Variants in ROBO1 observed in about 807,000 individuals in gnomAD.
The protein encoded by ROBO1 is roundabout guidance receptor 1.
A neutral mutation model predicts 195.9 loss-of-function variants in ROBO1; 149 were observed. The ratio of observed to expected loss-of-function variants is 0.76; its 90% CI spans 0.67 to 0.87. ROBO1 has a LOEUF of 0.87. Among genes scored for constraint, ROBO1 ranks in the 40% least tolerant of loss-of-function variants. ROBO1 has a pLI of 0.00. For missense variants in ROBO1, 1,933 were observed against 2,068.3 expected, an observed-to-expected ratio of 0.93 and a Z score of 1.27; for synonymous variants, 816 against 733.2, an observed-to-expected ratio of 1.11 and a Z score of -1.82.
chr3:79,415,115 A>G (rs1016567444), intron 2 of ROBO1, among the ~76,000 whole-genome samples: 4 of 152,140 alleles, frequency 2.6e-5, no homozygotes, highest in African/African-American at 9.6e-5. Context: ...GACTCACGGA[A>G]GTTAATGTGA....
chr3:79,238,480 C>T (rs184126036), intron 2 of ROBO1, among the ~76,000 whole-genome samples: 1 of 152,304 alleles, frequency 6.6e-6, no homozygotes, highest in Non-Finnish European at 1.5e-5. Context: ...AAGGTGGATA[C>T]AACTTTGGGT....
chr3:79,517,787 T>C (rs1941015711), intron 2 of ROBO1, among the ~76,000 whole-genome samples: 2 of 152,226 alleles, frequency 1.3e-5, no homozygotes, highest in South Asian at 2.1e-4. Flanking sequence ...GTAATAGTTG[T>C]AGACATTTTA....
rs35329629 is a variant in ROBO1 at position 78,659,674 on chromosome 3, T to TATA, written c.2442+11_2442+12insTAT. ...ATCAGGACATTAATATATATATATA[T>TATA]TATACTCATACCTTATACTCTTGGA... On this transcript the variant is annotated intron_variant, in intron 17 of 30. Transcript: ENST00000464233. 13 of 1,520,900 alleles carry TATA rather than the reference T, an allele frequency of 8.5e-6. No homozygotes were observed. Among genetic ancestry groups the TATA allele is most frequent in the Non-Finnish European group, 1.2e-5 (13 of 1,128,480 alleles). The allele number at this position is 1,520,900 out of a possible 1,614,324, so 94.2% of individuals were successfully genotyped here.
chr3:79,108,986 G>C (rs536060527), intron 3 of ROBO1, among the ~76,000 whole-genome samples: 1 of 151,924 alleles, frequency 6.6e-6, no homozygotes, highest in South Asian at 2.1e-4. Context: ...ATAGCTTAAG[G>C]TTAAGGTATA....
At chr3:79,109,403 T>C (rs2079843777) in intron 3 of ROBO1, among the ~76,000 whole-genome samples, 1 of 151,990 alleles carries the variant, frequency 6.6e-6, no homozygotes, top group African/African-American at 2.4e-5. Flanking sequence ...ACAAATGTAA[T>C]AGACACTCAT....
chr3:79,532,545 C>T (rs1457829321), intron 2 of ROBO1, among the ~76,000 whole-genome samples: 24 of 152,012 alleles, frequency 1.6e-4, no homozygotes, highest in Non-Finnish European at 1.5e-5. Context: ...CAATCTGAAT[C>T]CAGAATTTCT....
intron 2 of ROBO1, among the ~76,000 whole-genome samples, chr3:79,170,897 C>A (rs1041494657): frequency 7.2e-5 from 11 of 151,888 alleles, no homozygotes. Flanking sequence ...TTCTTTTTAA[C>A]AGAGTAATTT....
At chr3:78,926,588 T>G (rs1439156007) in intron 4 of ROBO1, among the ~76,000 whole-genome samples, 2 of 152,054 alleles carry the variant, frequency 1.3e-5, no homozygotes, top group African/African-American at 4.8e-5. Context: ...AGATGAAAAG[T>G]CGCATTTTGG....
chr3:79,104,818 G>T (rs1486389492), intron 3 of ROBO1, among the ~76,000 whole-genome samples: 2 of 151,702 alleles, frequency 1.3e-5, no homozygotes, highest in Non-Finnish European at 2.9e-5. Context: ...CAAAGCCATA[G>T]CAATGGAAAC....
At chr3:79,413,054 ATT>A (rs1309210745) in intron 2 of ROBO1, among the ~76,000 whole-genome samples, 1 of 151,568 alleles carries the variant, frequency 6.6e-6, no homozygotes, top group African/African-American at 2.4e-5. Flanking sequence ...TTAATAAAAT[ATT>A]GTTATGCTTC....
chr3:79,277,141 T>G (rs2108990177), intron 2 of ROBO1, among the ~76,000 whole-genome samples: 1 of 152,054 alleles, frequency 6.6e-6, no homozygotes, highest in East Asian at 1.9e-4. Flanking sequence ...GAAAAAAAAT[T>G]TGTATATTGA....
At position 79,107,568 on chromosome 3, in the gene ROBO1, G is replaced by A. The variant is rs772300088; in HGVS notation, c.172+17888C>T. Among the ~76,000 whole-genome samples the A allele has an allele frequency of 1.5e-4, 22 of 151,614 alleles. 1 individual carries two copies. The highest frequency in any genetic ancestry group is 5.3e-4 in the African/African-American group (22 of 41,382). The stretch of plus-strand genomic sequence containing the variant: ...AATTCTTTTTAAGTAGAATTTGCTC[G>A]CTGTGATTATAGGTGGCTGAAAAGG... On this transcript the variant is annotated intron_variant, in intron 3 of 30. Transcript: ENST00000464233.
chr3:78,798,079 T>G (rs933132453), intron 4 of ROBO1, among the ~76,000 whole-genome samples: 19 of 152,166 alleles, frequency 1.2e-4, no homozygotes, highest in Admixed American at 1.2e-3. Flanking sequence ...AAGAAGATAT[T>G]TTATTTAGAA....
Position 78,834,581 on chromosome 3 carries a change from G to A in ROBO1, c.500-87681C>T, listed in dbSNP as rs1037652421. 1.3e-4 allele frequency among the ~76,000 whole-genome samples: 19 copies of A among 151,790 alleles called. 1 individual carries two copies. In the South Asian group the frequency reaches 2.1e-3, roughly 17 times the overall value. On this transcript the variant is annotated intron_variant, in intron 4 of 30. Transcript: ENST00000464233. ...TTCATTTCATCATCAGGGTGCATAT[G>A]CTATATAATGATCAGAACTATTATT...
intron 9 of ROBO1, 115 bp downstream of exon 9, chr3:78,688,533 C>T: frequency 1.8e-6 from 2 of 1,105,260 alleles, no homozygotes; most frequent in African/African-American, 1.6e-5. Flanking sequence ...CAGAGATTTG[C>T]CAGTTCTCTT....
intron 3 of ROBO1, among the ~76,000 whole-genome samples, chr3:79,114,446 G>C (rs2079952355): frequency 6.6e-6 from 1 of 152,126 alleles, no homozygotes; most frequent in African/African-American, 2.4e-5. Context: ...TGTTACCTAA[G>C]AGCTACATCA....
chr3:78,706,418 G>A (rs1230296242), intron 8 of ROBO1, among the ~76,000 whole-genome samples: 1 of 152,102 alleles, frequency 6.6e-6, no homozygotes, highest in Non-Finnish European at 1.5e-5. Context: ...GGAGAGATGG[G>A]AACCATGGAA....
intron 4 of ROBO1, among the ~76,000 whole-genome samples, chr3:78,914,329 C>A (rs1436720734): frequency 6.6e-6 from 1 of 151,896 alleles, no homozygotes; most frequent in Non-Finnish European, 1.5e-5. Flanking sequence ...TATCAACAAA[C>A]CATAATAAAG....
intron 14 of ROBO1, among the ~76,000 whole-genome samples, chr3:78,664,749 G>C (rs987118860): frequency 6.6e-6 from 1 of 152,124 alleles, no homozygotes; most frequent in African/African-American, 2.4e-5. Context: ...GCTCCCTTAT[G>C]AATCACTTTC....
Sources: allele counts gnomAD v4.1 joint callset (sites outside exome capture counted in the v4.1 genomes callset), GRCh38; gene constraint gnomAD v4.1.1; transcripts MANE v1.5; gene names NCBI Gene and HGNC (gene_info 2026-07-23, HGNC 2026-07-21).